Variants in EEA1 observed in about 807,000 individuals in gnomAD.
The protein encoded by EEA1 is early endosome antigen 1.
EEA1 carries 111 observed loss-of-function variants against 209.2 expected under a neutral mutation model. The ratio of observed to expected loss-of-function variants is 0.53; its 90% confidence interval spans 0.45 to 0.62. The LOEUF (loss-of-function observed/expected upper bound fraction) is 0.62, where lower values mean the gene tolerates loss of function less well. Among genes scored for constraint, EEA1 ranks in the 20% least tolerant of loss-of-function variants. EEA1 has a pLI of 0.00. For missense variants in EEA1, 1,343 were observed against 1,530.8 expected (o/e 0.88, Z 2.05); for synonymous variants, 536 against 540.6 (o/e 0.99, Z 0.12).
chr12:92,799,109 T>G, intron 20 of EEA1, 23 bp from the exon 21 acceptor site: 1 of 1,536,240 alleles, frequency 6.5e-7, no homozygotes, highest in Non-Finnish European at 8.7e-7. Flanking sequence ...AAAAATCTAT[T>G]TAGCCTTCAT....
rs188483607 is a variant in EEA1 at position 92,856,447 on chromosome 12, C to A, written c.366+828G>T. 6.6e-4 allele frequency among the ~76,000 whole-genome samples: 100 copies of A among 152,180 alleles called. 2 individuals carry two copies. In the East Asian group the frequency reaches 0.015, roughly 22 times the overall value. On this transcript the variant is annotated intron_variant, in intron 5 of 28. Transcript: ENST00000322349. Reference sequence around the variant, plus strand: ...TCTATGTATTATTTTTATGTAAAGTCATACAGAATATGAGTGTGTGTGCAT... The same window carrying A: ...TCTATGTATTATTTTTATGTAAAGTAATACAGAATATGAGTGTGTGTGCAT...
chr12:92,810,971 A>C (rs896132770), intron 17 of EEA1, among the ~76,000 whole-genome samples: 8 of 152,138 alleles, frequency 5.3e-5, no homozygotes, highest in Admixed American at 4.6e-4. Context: ...ACAACAAAAA[A>C]TTGAGAAGTT....
intron 2 of EEA1, among the ~76,000 whole-genome samples, chr12:92,882,231 C>T (rs1879177900): frequency 6.6e-6 from 1 of 151,942 alleles, no homozygotes; most frequent in South Asian, 2.1e-4. Flanking sequence ...CCTCAGCCTC[C>T]TGAGTAGCTG....
At chr12:92,928,793 C>G (rs1008940362) in intron 1 of EEA1, among the ~76,000 whole-genome samples, 17 of 151,800 alleles carry the variant, frequency 1.1e-4, no homozygotes, top group African/African-American at 3.9e-4. Flanking sequence ...CTCGCACACA[C>G]GGAGCCCCGC....
intron 10 of EEA1, among the ~76,000 whole-genome samples, chr12:92,838,978 T>G (rs1592730111): frequency 6.6e-6 from 1 of 152,084 alleles, no homozygotes; most frequent in East Asian, 1.9e-4. Context: ...CGGACTTGAG[T>G]AGGAAGGGAA....
At chr12:92,889,133 G>A (rs1021393263) in intron 2 of EEA1, among the ~76,000 whole-genome samples, 12 of 150,612 alleles carry the variant, frequency 8.0e-5, no homozygotes, top group African/African-American at 2.7e-4. Context: ...AGGCAACAAA[G>A]CAAGACTCTG....
rs904994978 is a variant in EEA1, at chr12:92,808,484, T to C, written c.2339+533A>G. 1.4e-4 allele frequency among the ~76,000 whole-genome samples: 22 copies of C among 152,174 alleles called. No homozygotes were observed. The East Asian group carries it at 4.0e-3, about 28-fold the overall frequency. On this transcript the variant is annotated intron_variant, in intron 18 of 28. Transcript: ENST00000322349. ...GCATCACAAAGCTGAGGTTATTTTT[T>C]TTTTTTTTTTCTTTTTGAGATAGAG... is the stretch of plus-strand genomic sequence containing the variant.
intron 5 of EEA1, among the ~76,000 whole-genome samples, chr12:92,856,632 C>G (rs1347919378): frequency 1.3e-5 from 2 of 151,754 alleles, no homozygotes; most frequent in Non-Finnish European, 2.9e-5. Context: ...TAGTCATTAT[C>G]AATTTGTCAG....
intron 8 of EEA1, among the ~76,000 whole-genome samples, chr12:92,851,587 T>C (rs968202041): frequency 2.0e-5 from 3 of 152,194 alleles, no homozygotes; most frequent in Admixed American, 2.0e-4. Flanking sequence ...ATTCCTTCTT[T>C]TTCTATCCTA....
intron 13 of EEA1, among the ~76,000 whole-genome samples, chr12:92,824,707 A>G (rs1227624925): frequency 2.6e-5 from 4 of 152,112 alleles, no homozygotes; most frequent in Non-Finnish European, 5.9e-5. Context: ...GGCCTCCCCA[A>G]AACACTTCCA....
chr12:92,870,687 G>C (rs1346587310), intron 2 of EEA1, among the ~76,000 whole-genome samples: 1 of 151,678 alleles, frequency 6.6e-6, no homozygotes, highest in Non-Finnish European at 1.5e-5. Flanking sequence ...CGGTGGTGGG[G>C]CAGGGACGGG....
rs548725254 is a variant in EEA1, at chr12:92,828,033, C to A, written c.1283G>T (p.Arg428Leu). The change falls in exon 12 of 29, where the codon CGC becomes CTC. Residue 428 changes from arginine (R) to leucine (L), a missense_variant. By Grantham distance (102) the Arg-to-Leu change is moderately radical. Transcript: ENST00000322349. Reference sequence around the variant, plus strand: ...CCTACCATGAGCTTCCCCTAGTTGGCGCTCTGTCTCCAGAAGTTTGCTATG... The same window carrying A: ...CCTACCATGAGCTTCCCCTAGTTGGAGCTCTGTCTCCAGAAGTTTGCTATG... Reference protein sequence around the residue: ...QLHSKLLETERQLGEAHGRLK... With the variant: ...QLHSKLLETELQLGEAHGRLK... 1 of 1,578,368 alleles carries A rather than the reference C, an allele frequency of 6.3e-7. No homozygotes were observed. Among genetic ancestry groups the A allele is most frequent in the East Asian group, 2.3e-5 (1 of 42,706 alleles).
At chr12:92,826,070 AAT>A in intron 13 of EEA1, 94 bp downstream of exon 13, 1 of 1,298,786 alleles carries the variant, frequency 7.7e-7, no homozygotes, top group South Asian at 1.7e-5. Context: ...ACAAAAGGAT[AAT>A]GATTTGGATT....
chr12:92,810,001 ATTG>A (rs1414367877), intron 17 of EEA1, among the ~76,000 whole-genome samples: 12 of 152,220 alleles, frequency 7.9e-5, no homozygotes, highest in Non-Finnish European at 1.5e-5. Context: ...ACTAGATGAC[ATTG>A]TTGTTCTTCA....
rs534156263 is a variant in EEA1 at position 92,775,285 on chromosome 12, T to C, written c.*726A>G. Reference sequence around the variant, plus strand: ...AGACAGAAAAAGACAAAAAGAAAAATTAACCCTATTCTTTGCAATACAACC... The same window carrying C: ...AGACAGAAAAAGACAAAAAGAAAAACTAACCCTATTCTTTGCAATACAACC... On this transcript the variant is annotated 3_prime_UTR_variant, in exon 29 of 29. Transcript: ENST00000322349. 63 of 151,708 alleles carry C rather than the reference T, an allele frequency of 4.2e-4. No homozygotes were observed. The highest frequency in any genetic ancestry group is 1.5e-3 in the African/African-American group (63 of 41,478). 9.4% of individuals were successfully genotyped at this position (151,708 alleles called of 1,614,324 possible).
chr12:92,791,096 C>T (rs897709512), intron 21 of EEA1, among the ~76,000 whole-genome samples: 19 of 152,156 alleles, frequency 1.2e-4, no homozygotes, highest in Admixed American at 1.3e-4. Context: ...CACCACCAGG[C>T]CTGCTTTACA....
chr12:92,893,751 C>CT (rs1012345488), intron 1 of EEA1, among the ~76,000 whole-genome samples: 17 of 150,612 alleles, frequency 1.1e-4, no homozygotes, highest in African/African-American at 3.2e-4. Flanking sequence ...CATTTTGCTA[C>CT]TTTTTTTTTC....
chr12:92,859,342 A>G, intron 3 of EEA1: 1 of 1,002,028 alleles, frequency 1.0e-6, no homozygotes, highest in Non-Finnish European at 1.5e-6. Context: ...GCTCTGAGGG[A>G]AAGGGCCTTC....
intron 2 of EEA1, among the ~76,000 whole-genome samples, chr12:92,876,598 T>C (rs943386816): frequency 6.6e-6 from 1 of 152,108 alleles, no homozygotes; most frequent in African/African-American, 2.4e-5. Context: ...TCTAGAACTA[T>C]GAGAAATAAA....
Sources: gnomAD v4.1 joint callset for allele counts (sites outside exome capture counted in the v4.1 genomes callset) on GRCh38, gnomAD v4.1.1 for gene constraint, MANE v1.5 for transcripts, NCBI Gene and HGNC (gene_info 2026-07-23, HGNC 2026-07-21) for gene names.